Variants in IFFO1 observed in about 807,000 individuals in gnomAD.
The protein encoded by IFFO1 is intermediate filament family orphan 1.
In IFFO1, 42 loss-of-function variants were observed where a neutral mutation model predicts 59.6. The observed-to-expected ratio is 0.70, with a 90% CI of 0.55 to 0.91. The LOEUF (loss-of-function observed/expected upper bound fraction) is 0.91. IFFO1 is among the 40% of genes least tolerant of loss of function. IFFO1 has a pLI of 0.00. For synonymous variants in IFFO1, 336 were observed against 342.8 expected (o/e 0.98, Z 0.22); for missense variants, 711 against 793.2 (o/e 0.90, Z 1.24).
intron 8 of IFFO1, among the ~76,000 whole-genome samples, chr12:6,543,267 GAA>G: frequency 6.6e-6 from 1 of 152,302 alleles, no homozygotes; most frequent in Non-Finnish European, 1.5e-5. Flanking sequence ...CCCTAATGCA[GAA>G]GTCCCCAAAC....
At chr12:6,542,087 A>G (rs1244179051) in intron 8 of IFFO1, among the ~76,000 whole-genome samples, 1 of 152,222 alleles carries the variant, frequency 6.6e-6, no homozygotes, top group Non-Finnish European at 1.5e-5. Context: ...TCATCCTGGC[A>G]GACCCAGACC....
At position 6,549,480 on chromosome 12, in the gene IFFO1, T is replaced by C. The variant is rs1182120361; in HGVS notation, c.1076A>G (p.Lys359Arg). The change falls in exon 5 of 10, where the codon AAG (lysine) becomes AGG (arginine). Residue 359 changes from lysine (K) to arginine (R), a missense_variant. Physicochemically the swap from Lys to Arg is conservative, Grantham distance 26 (BLOSUM62 2). Around this residue, in one of 3 missense-constraint regions of IFFO1, gnomAD observed 579 missense variants for 650.3 expected, o/e 0.89. Transcript: ENST00000619571. This position sits in a 1 kb window ranked among gnomAD's most constrained non-coding sequence, Gnocchi z 5.0. Reference sequence around the variant, plus strand: ...CTTGCGTGAGATCAAACTAACCAGCTTCTTCTGTGGAGGAAGCAAGAGAGA... The same window carrying C: ...CTTGCGTGAGATCAAACTAACCAGCCTCTTCTGTGGAGGAAGCAAGAGAGA... Reference protein sequence around the residue: ...CEDMIQMFQKKLSLHLSPIKV... With the variant: ...CEDMIQMFQKRLSLHLSPIKV... 2.7e-5 allele frequency: 43 copies of C among 1,613,288 alleles called. No individual in the cohort carries two copies. The East Asian group carries it at 9.4e-4, about 35-fold the overall frequency.
chr12:6,550,326 T>C, intron 3 of IFFO1: 1 of 389,746 alleles, frequency 2.6e-6, no homozygotes, highest in Non-Finnish European at 4.7e-6. Context: ...CCCGAGTACA[T>C]GACCACCCTC....
Position 6,549,140 on chromosome 12 carries a change from C to A in IFFO1, c.1081-291G>T. The A allele has an allele frequency of 4.0e-6, 2 of 493,924 alleles. No homozygotes were observed. The highest frequency in any genetic ancestry group is 3.3e-5 in the South Asian group (1 of 30,754). The allele number at this position is 493,924 out of a possible 1,614,324, so 30.6% of individuals were successfully genotyped here. ...CTGCAGTCAGATGTGCATGATGGCT[C>A]AAGAGGAAATTTTTTTCTAAAAAAA... On this transcript the variant is annotated intron_variant, in intron 5 of 9. Coordinates refer to ENST00000619571, the MANE Select transcript of IFFO1 (RefSeq NM_001193457.2). This position sits in a 1 kb window ranked among gnomAD's most constrained non-coding sequence, Gnocchi z 5.0.
intron 9 of IFFO1, 81 bp from the exon 10 acceptor site, chr12:6,540,669 C>T: frequency 8.3e-7 from 1 of 1,201,164 alleles, no homozygotes; most frequent in Non-Finnish European, 1.2e-6. Flanking sequence ...TGCTGCCTCA[C>T]CCTCTGGCAG....
At position 6,548,791 on chromosome 12, in the gene IFFO1, T is replaced by C. The variant is rs1384401807; in HGVS notation, c.1139A>G (p.Lys380Arg). The stretch of plus-strand genomic sequence containing the variant: ...GGAGGTGTCCTCCTCGACGGCAGCC[T>C]TGCGCTCCCGCTTCCGCCCCCCCAT... ...PSMGGRKRER[K>R]AAVEEDTSLS... is the part of the protein sequence containing the mutation. Residue 380 changes from lysine (K) to arginine (R), a missense_variant, in exon 6 of 10, where the codon AAG becomes AGG. Lys to Arg is a conservative substitution (Grantham distance 26). Around this residue, in one of 3 missense-constraint regions of IFFO1, gnomAD observed 579 missense variants for 650.3 expected, o/e 0.89. Transcript: ENST00000619571. The surrounding 1 kb of genome is among the most constrained non-coding windows in gnomAD (Gnocchi z 6.1). 6.2e-7 allele frequency: 1 copy of C among 1,613,764 alleles called. No individual in the cohort carries two copies. Among genetic ancestry groups the C allele is most frequent in the Non-Finnish European group, 8.5e-7 (1 of 1,179,938 alleles).
chr12:6,552,603 G>A (rs1947278360), intron 1 of IFFO1, among the ~76,000 whole-genome samples: 1 of 152,238 alleles, frequency 6.6e-6, no homozygotes, highest in South Asian at 2.1e-4. Context: ...AGTCCCTGGA[G>A]GGAGACAGTA....
At chr12:6,554,358 A>T (rs920539224) in intron 1 of IFFO1, among the ~76,000 whole-genome samples, 1 of 152,234 alleles carries the variant, frequency 6.6e-6, no homozygotes, top group South Asian at 2.1e-4. Flanking sequence ...TCTGCAAGAC[A>T]CTACCTCTGC....
chr12:6,547,977 C>T, intron 8 of IFFO1, 88 bp downstream of exon 8: 1 of 946,180 alleles, frequency 1.1e-6, no homozygotes, highest in Non-Finnish European at 1.7e-6. Context: ...TCTCTAGGGT[C>T]CTGCAGCAGG....
At chr12:6,551,415 CG>C in intron 1 of IFFO1, 2 of 1,300,474 alleles carry the variant, frequency 1.5e-6, no homozygotes, top group Non-Finnish European at 2.0e-6. Flanking sequence ...CGCACAGATC[CG>C]GGCTCCCGCC....
At position 6,549,028 on chromosome 12, in the gene IFFO1, G is replaced by T; in HGVS notation, c.1081-179C>A. ...AGTCACCAAGGGCCAGACACACAGC[G>T]GGGGTCAGGGCTGCAAACCGAGAAG... On this transcript the variant is annotated intron_variant, in intron 5 of 9. Coordinates refer to ENST00000619571, the MANE Select transcript of IFFO1 (RefSeq NM_001193457.2). This position sits in a 1 kb window ranked among gnomAD's most constrained non-coding sequence, Gnocchi z 5.0. 1.6e-6 allele frequency: 1 copy of T among 617,700 alleles called. No homozygotes were observed. Among genetic ancestry groups the T allele is most frequent in the South Asian group, 2.0e-5 (1 of 50,652 alleles). The allele number at this position is 617,700 out of a possible 1,614,324, so 38.3% of individuals were successfully genotyped here.
chr12:6,549,700 G>A lies in IFFO1; in HGVS notation c.1071+56C>T, dbSNP rs931511916. 22 of 1,578,344 alleles carry A rather than the reference G, an allele frequency of 1.4e-5. No homozygotes were observed. The highest frequency in any genetic ancestry group is 9.4e-5 in the African/African-American group (7 of 74,328). On this transcript the variant is annotated intron_variant, in intron 4 of 9. Transcript: ENST00000619571. This position sits in a 1 kb window ranked among gnomAD's most constrained non-coding sequence, Gnocchi z 5.0. ...GCCTGCGTTCCAGGCCAGCCGCCAC[G>A]GAAGCATCCACCTGCCCCACCCACC...
chr12:6,546,650 A>AT (rs368748338), intron 8 of IFFO1, among the ~76,000 whole-genome samples: 74 of 148,416 alleles, frequency 5.0e-4, no homozygotes, highest in Admixed American at 6.7e-4. Flanking sequence ...CGGCCAGCTA[A>AT]TTTTTTTTTT....
intron 2 of IFFO1, 44 bp from the exon 3 acceptor site, chr12:6,550,834 GGGA>G: frequency 6.2e-7 from 1 of 1,604,246 alleles, no homozygotes; most frequent in Non-Finnish European, 8.5e-7. Flanking sequence ...CTGCCGAGGT[GGGA>G]GGAAGATAAA....
Position 6,549,989 on chromosome 12 carries a change from A to G in IFFO1, c.931-93T>C. ...GCAAGGTCCTCATCCTTCCCACCACATTGCACCGGTGCCTCTTCTGTGGAG... is the reference window on the plus strand; with the variant it reads ...GCAAGGTCCTCATCCTTCCCACCACGTTGCACCGGTGCCTCTTCTGTGGAG... On this transcript the variant is annotated intron_variant, in intron 3 of 9. Coordinates refer to ENST00000619571, the MANE Select transcript of IFFO1 (RefSeq NM_001193457.2). This position sits in a 1 kb window ranked among gnomAD's most constrained non-coding sequence, Gnocchi z 5.0. 1 of 1,347,538 alleles carries G rather than the reference A, an allele frequency of 7.4e-7. No homozygotes were observed. Among genetic ancestry groups the G allele is most frequent in the Admixed American group, 2.2e-5 (1 of 44,562 alleles). 83.5% of individuals were successfully genotyped at this position (1,347,538 alleles called of 1,614,324 possible). A position where few individuals can be genotyped will look rare whatever the true frequency, so the allele number is the denominator to read the frequency against.
Position 6,548,214 on chromosome 12 carries a change from G to T in IFFO1, c.1384-54C>A. 9 of 1,458,142 alleles carry T rather than the reference G, an allele frequency of 6.2e-6. No homozygotes were observed. In the South Asian group the frequency reaches 9.1e-5, roughly 15 times the overall value. 90.3% of individuals were successfully genotyped at this position (1,458,142 alleles called of 1,614,324 possible). ...CAGCCAAGGAGGGATGGGATGGGAC[G>T]CATTCCAAAGGGCCAAGTCAGGGAG... is the stretch of plus-strand genomic sequence containing the variant. On this transcript the variant is annotated intron_variant, in intron 7 of 9. Transcript: ENST00000619571. This position sits in a 1 kb window ranked among gnomAD's most constrained non-coding sequence, Gnocchi z 6.1.
Position 6,549,945 on chromosome 12 carries a change from C to G in IFFO1, c.931-49G>C. On this transcript the variant is annotated intron_variant, in intron 3 of 9. Coordinates refer to ENST00000619571, the MANE Select transcript of IFFO1 (RefSeq NM_001193457.2). This position sits in a 1 kb window ranked among gnomAD's most constrained non-coding sequence, Gnocchi z 5.0. ...GTGAGGAGGCGCCCAGTTCTCCAGA[C>G]AAGGACGAATTAGGCCTGGCAAGGT... is the stretch of plus-strand genomic sequence containing the variant. 1 of 1,582,432 alleles carries G rather than the reference C, an allele frequency of 6.3e-7. No homozygotes were observed.
At chr12:6,550,358 C>T (rs908552889) in intron 3 of IFFO1, 10 of 440,096 alleles carry the variant, frequency 2.3e-5, no homozygotes, top group African/African-American at 5.9e-5. Flanking sequence ...GCAGAGCGCA[C>T]GCGTTTATTT....
intron 3 of IFFO1, chr12:6,550,167 G>T: frequency 2.3e-6 from 1 of 427,500 alleles, no homozygotes; most frequent in Non-Finnish European, 4.2e-6. Flanking sequence ...CATGCAGGGG[G>T]CTCACTGGAA....
Sources: allele counts gnomAD v4.1 joint callset (sites outside exome capture counted in the v4.1 genomes callset), GRCh38; gene constraint gnomAD v4.1.1; regional missense constraint gnomAD v4.1.1; non-coding constraint Gnocchi (gnomAD v3.1); transcripts MANE v1.5; gene names NCBI Gene and HGNC (gene_info 2026-07-23, HGNC 2026-07-21).